The following CAPZB variants were observed in gnomAD, a reference collection of about 807,000 sequenced individuals.
CAPZB encodes the protein capping actin protein of muscle Z-line subunit beta, also known as F-actin-capping protein subunit beta.
Under a neutral mutation model 38.1 loss-of-function variants are expected in CAPZB, and 2 were observed. The observed-to-expected ratio is 0.05, with a 90% CI of 0.02 to 0.17. The LOEUF is 0.17. CAPZB is among the 10% of genes least tolerant of loss of function. CAPZB has a pLI of 1.00. For missense variants in CAPZB, 161 were observed against 334.2 expected (o/e 0.48, Z 4.04); for synonymous variants, 107 against 127.4 (o/e 0.84, Z 1.08).
intron 1 of CAPZB, among the ~76,000 whole-genome samples, chr1:19,477,108 C>T (rs533187956): frequency 6.6e-6 from 1 of 152,314 alleles, no homozygotes; most frequent in Non-Finnish European, 1.5e-5. Flanking sequence ...TGTGGGCATC[C>T]GGTAAATACT....
chr1:19,476,227 G>GATAGATAC (rs1237046140), intron 1 of CAPZB, among the ~76,000 whole-genome samples: 10 of 46,882 alleles, frequency 2.1e-4, no homozygotes, highest in African/African-American at 4.1e-4. Context: ...TAGATAGATA[G>GATAGATAC]GCAGGCAGGC....
intron 1 of CAPZB, among the ~76,000 whole-genome samples, chr1:19,479,572 C>T (rs1008929296): frequency 9.9e-5 from 15 of 152,190 alleles, no homozygotes; most frequent in Admixed American, 4.6e-4. Context: ...TAAATCATTC[C>T]GTGTCACTCT....
At chr1:19,443,171 G>C (rs1166131778) in intron 1 of CAPZB, among the ~76,000 whole-genome samples, 1 of 151,820 alleles carries the variant, frequency 6.6e-6, no homozygotes, top group Non-Finnish European at 1.5e-5. Flanking sequence ...AGGATGGCTT[G>C]AGCCCAGGAC....
At chr1:19,351,913 C>A (rs2093993720) in intron 6 of CAPZB, among the ~76,000 whole-genome samples, 1 of 152,196 alleles carries the variant, frequency 6.6e-6, no homozygotes, top group Admixed American at 6.5e-5. Flanking sequence ...GAGCCTGTCT[C>A]AGGCCAGCTT....
intron 1 of CAPZB, among the ~76,000 whole-genome samples, chr1:19,454,083 G>A (rs1302717205): frequency 6.6e-6 from 1 of 152,194 alleles, no homozygotes; most frequent in East Asian, 1.9e-4. Flanking sequence ...CTGGAGGGCA[G>A]GCATCACATC....
intron 1 of CAPZB, among the ~76,000 whole-genome samples, chr1:19,420,838 T>C (rs2094398665): frequency 6.6e-6 from 1 of 151,782 alleles, no homozygotes; most frequent in South Asian, 2.1e-4. Flanking sequence ...ACCATAAACA[T>C]ATAAAAAATA....
chr1:19,468,270 C>T (rs1449706811), intron 1 of CAPZB, among the ~76,000 whole-genome samples: 7 of 152,190 alleles, frequency 4.6e-5, no homozygotes, highest in Admixed American at 4.6e-4. Context: ...CCATAATAAA[C>T]ATACTGCTTT....
chr1:19,389,034 T>C (rs931500107), intron 2 of CAPZB, among the ~76,000 whole-genome samples: 8 of 152,344 alleles, frequency 5.3e-5, no homozygotes, highest in East Asian at 1.9e-4. Context: ...TTTGGCCATA[T>C]TTCCATCAGC....
Position 19,459,442 on chromosome 1 carries a change from T to C in CAPZB, c.3+25994A>G, listed in dbSNP as rs1035498978. On this transcript the variant is annotated intron_variant, in intron 1 of 8. Coordinates refer to ENST00000264202, the MANE Select transcript of CAPZB (RefSeq NM_004930.5). Reference sequence around the variant, plus strand: ...GACAATTCGGAGATTAAAATATTTTTAAAGAGAGAAAATAGGAGACCTGCT... The same window carrying C: ...GACAATTCGGAGATTAAAATATTTTCAAAGAGAGAAAATAGGAGACCTGCT... 2.0e-5 allele frequency among the ~76,000 whole-genome samples: 3 copies of C among 152,212 alleles called. No individual in the cohort carries two copies. The East Asian group carries it at 5.8e-4, about 29-fold the overall frequency.
chr1:19,359,741 A>G (rs1249398712), intron 4 of CAPZB, among the ~76,000 whole-genome samples: 1 of 152,234 alleles, frequency 6.6e-6, no homozygotes, highest in Non-Finnish European at 1.5e-5. Flanking sequence ...GGCCAGGTGC[A>G]GCACAGGCAT....
At chr1:19,447,346 A>C (rs2094499860) in intron 1 of CAPZB, among the ~76,000 whole-genome samples, 1 of 122,672 alleles carries the variant, frequency 8.2e-6, no homozygotes, top group Non-Finnish European at 1.6e-5. Context: ...CAGCCTCCTG[A>C]GCAGCTGGGA....
intron 4 of CAPZB, among the ~76,000 whole-genome samples, chr1:19,362,556 C>A (rs189121216): frequency 1.3e-5 from 2 of 152,078 alleles, no homozygotes; most frequent in Admixed American, 6.5e-5. Context: ...TAGGACCAGG[C>A]GCAGTGGCTC....
At chr1:19,425,534 G>A (rs1183904982) in intron 1 of CAPZB, among the ~76,000 whole-genome samples, 4 of 152,036 alleles carry the variant, frequency 2.6e-5, no homozygotes, top group Non-Finnish European at 5.9e-5. Context: ...GGCTCCAAGG[G>A]GTAGGTTTAG....
chr1:19,441,020 A>G lies in CAPZB; in HGVS notation c.4-21270T>C, dbSNP rs541473401. ...GCTTGCAGTGAGCTGAGATCGTGCC[A>G]CTGCACTCCAGCCTGGGCGACAGAG... is the stretch of plus-strand genomic sequence containing the variant. On this transcript the variant is annotated intron_variant, in intron 1 of 8. Coordinates refer to ENST00000264202, the MANE Select transcript of CAPZB (RefSeq NM_004930.5). 4.6e-5 allele frequency among the ~76,000 whole-genome samples: 7 copies of G among 152,360 alleles called. No individual in the cohort carries two copies. In the East Asian group the frequency reaches 1.3e-3, roughly 29 times the overall value.
intron 4 of CAPZB, among the ~76,000 whole-genome samples, chr1:19,376,954 G>T (rs953656310): frequency 6.6e-6 from 1 of 152,176 alleles, no homozygotes; most frequent in Non-Finnish European, 1.5e-5. Flanking sequence ...TGTAAGAGGG[G>T]GATAACCCTC....
At chr1:19,364,548 C>T (rs76007679) in intron 4 of CAPZB, among the ~76,000 whole-genome samples, 1,621 of 152,368 alleles carry the variant, frequency 0.011, 27 homozygotes, top group African/African-American at 0.037. Context: ...TTAAAACTGG[C>T]TTACACCAAG....
intron 1 of CAPZB, chr1:19,448,968 G>A: frequency 6.2e-7 from 1 of 1,607,884 alleles, no homozygotes; most frequent in Non-Finnish European, 8.5e-7. Context: ...GAGGCGAGGG[G>A]GCAAGAGGAA....
At chr1:19,389,082 A>C (rs372179956) in intron 2 of CAPZB, among the ~76,000 whole-genome samples, 12 of 152,150 alleles carry the variant, frequency 7.9e-5, no homozygotes, top group African/African-American at 2.4e-4. Flanking sequence ...GCTCTGGAAT[A>C]ATAACATTTT....
At chr1:19,413,927 G>A (rs12121189) in intron 2 of CAPZB, among the ~76,000 whole-genome samples, 34,651 of 152,068 alleles carry the variant, frequency 0.23, 4,314 homozygotes, top group East Asian at 0.46. Context: ...TCATTGCTTT[G>A]ACTATTAAAG....
Sources: allele counts gnomAD v4.1 joint callset (sites outside exome capture counted in the v4.1 genomes callset), GRCh38; gene constraint gnomAD v4.1.1; transcripts MANE v1.5; gene names NCBI Gene and HGNC (gene_info 2026-07-23, HGNC 2026-07-21).